Variants in CCDC178 observed in about 807,000 individuals in gnomAD.
CCDC178 encodes the protein coiled-coil domain containing 178, also known as coiled-coil domain-containing protein 178.
Under a neutral mutation model 117.4 loss-of-function variants are expected in CCDC178, and 126 were observed. That is an observed-to-expected ratio of 1.07 (90% CI 0.93 to 1.24). The LOEUF (loss-of-function observed/expected upper bound fraction) is 1.24, where lower values mean the gene tolerates loss of function less well. CCDC178 is among the 50% of genes most tolerant of loss of function. The pLI, the probability that CCDC178 is intolerant of heterozygous loss-of-function variation, is 0.00. For synonymous variants in CCDC178, 283 were observed against 313.4 expected (o/e 0.90, Z 1.02); for missense variants, 1,030 against 986.9 (o/e 1.04, Z -0.59).
In CCDC178 at chr18:33,334,356, A is replaced by AT. The variant is rs531976368; in HGVS notation, c.659-963dup. Among the ~76,000 whole-genome samples, 261 of 152,122 alleles carry AT rather than the reference A, an allele frequency of 1.7e-3. 1 individual carries two copies. The highest frequency in any genetic ancestry group is 5.9e-3 in the African/African-American group (244 of 41,544). ...TGAATTTGAATAAATGAATAAAATT[A>AT]TTTTTTCTGTATAAAAATATTTGAA... On this transcript the variant is annotated intron_variant, in intron 9 of 22. Coordinates refer to ENST00000383096, the MANE Select transcript of CCDC178 (RefSeq NM_001105528.4).
chr18:33,369,180 T>C (rs974897900), intron 6 of CCDC178, among the ~76,000 whole-genome samples: 1 of 151,982 alleles, frequency 6.6e-6, no homozygotes, highest in African/African-American at 2.4e-5. Flanking sequence ...ATAAATAATA[T>C]AGAAGTAACA....
chr18:33,088,357 C>G (rs1338278812), intron 21 of CCDC178, among the ~76,000 whole-genome samples: 16 of 151,552 alleles, frequency 1.1e-4, no homozygotes, highest in African/African-American at 3.4e-4. Flanking sequence ...TGTATTGACT[C>G]TATATATCAA....
At chr18:33,179,118 A>AC (rs1568037125) in intron 20 of CCDC178, among the ~76,000 whole-genome samples, 14 of 104,400 alleles carry the variant, frequency 1.3e-4, no homozygotes, top group Non-Finnish European at 3.0e-4. Context: ...TAAACTATAT[A>AC]TATATATATA....
intron 12 of CCDC178, among the ~76,000 whole-genome samples, chr18:33,273,705 C>T (rs1223898862): frequency 6.6e-6 from 1 of 151,582 alleles, no homozygotes; most frequent in African/African-American, 2.4e-5. Context: ...ATACCATACA[C>T]AAAAATTAAC....
intron 2 of CCDC178, among the ~76,000 whole-genome samples, chr18:33,424,926 C>T (rs946470614): frequency 6.6e-6 from 1 of 152,150 alleles, no homozygotes. Context: ...GGCATGGGCT[C>T]GAACCTGACC....
intron 6 of CCDC178, among the ~76,000 whole-genome samples, chr18:33,358,149 T>C (rs1215892535): frequency 6.6e-6 from 1 of 151,912 alleles, no homozygotes; most frequent in Admixed American, 6.6e-5. Flanking sequence ...ACAGTAAAAA[T>C]ACAATATTGT....
chr18:33,264,397 C>T (rs1488361161), intron 14 of CCDC178, among the ~76,000 whole-genome samples: 4 of 151,892 alleles, frequency 2.6e-5, no homozygotes, highest in African/African-American at 9.7e-5. Flanking sequence ...ATATAGTAGA[C>T]CTGACTCTTG....
chr18:33,294,523 C>T (rs916834599), intron 11 of CCDC178, among the ~76,000 whole-genome samples: 1 of 152,272 alleles, frequency 6.6e-6, no homozygotes, highest in East Asian at 1.9e-4. Flanking sequence ...GATTCTTATG[C>T]ACCAACCCTG....
chr18:33,244,456 T>C (rs944464299), intron 15 of CCDC178, among the ~76,000 whole-genome samples: 5 of 151,924 alleles, frequency 3.3e-5, no homozygotes, highest in Admixed American at 6.6e-5. Flanking sequence ...GTGGAGATAA[T>C]TGAATCATGA....
intron 14 of CCDC178, among the ~76,000 whole-genome samples, chr18:33,262,242 T>C (rs2059759635): frequency 6.6e-6 from 1 of 152,164 alleles, no homozygotes; most frequent in Non-Finnish European, 1.5e-5. Flanking sequence ...ACTTCTGCAT[T>C]TTACATCTAA....
chr18:33,286,597 A>G (rs112529780), intron 12 of CCDC178, among the ~76,000 whole-genome samples: 53 of 152,340 alleles, frequency 3.5e-4, no homozygotes, highest in African/African-American at 1.3e-3. Flanking sequence ...TTCATACTGT[A>G]TAATATATAG....
intron 21 of CCDC178, among the ~76,000 whole-genome samples, chr18:33,001,245 C>T (rs533929052): frequency 1.2e-4 from 19 of 152,214 alleles, no homozygotes; most frequent in African/African-American, 3.6e-4. Context: ...AGAGGCCAGG[C>T]GCAGTGGCTC....
chr18:33,065,744 T>C (rs1598845482), intron 21 of CCDC178, among the ~76,000 whole-genome samples: 1 of 152,116 alleles, frequency 6.6e-6, no homozygotes, highest in Non-Finnish European at 1.5e-5. Context: ...CAGCAAATTT[T>C]GTAGCAGATA....
chr18:33,164,287 C>T (rs1454103197), intron 20 of CCDC178, among the ~76,000 whole-genome samples: 2 of 151,612 alleles, frequency 1.3e-5, no homozygotes, highest in Admixed American at 6.6e-5. Context: ...TTAGTAGAGA[C>T]GGAGTTTCTC....
chr18:33,207,044 G>C (rs2144574696), intron 20 of CCDC178, among the ~76,000 whole-genome samples: 1 of 152,272 alleles, frequency 6.6e-6, no homozygotes, highest in Admixed American at 6.5e-5. Context: ...TCAGGCTGGA[G>C]TTTCATGTCT....
intron 9 of CCDC178, 136 bp from the exon 10 acceptor site, chr18:33,333,530 T>TC (rs1482721694): frequency 1.1e-5 from 5 of 440,772 alleles, no homozygotes; most frequent in Non-Finnish European, 1.8e-5. Context: ...TTTTTTTTTT[T>TC]CCGAGATGGA....
At chr18:33,306,431 T>C (rs1039720852) in intron 11 of CCDC178, among the ~76,000 whole-genome samples, 1 of 147,582 alleles carries the variant, frequency 6.8e-6, no homozygotes, top group African/African-American at 2.5e-5. Context: ...TGTGTGTGTG[T>C]GTGTGTGTGT....
intron 21 of CCDC178, among the ~76,000 whole-genome samples, chr18:33,034,067 C>T (rs902690223): frequency 1.3e-5 from 2 of 151,920 alleles, no homozygotes; most frequent in Non-Finnish European, 2.9e-5. Context: ...CTTACTAAAC[C>T]TGTCTTTTAG....
intron 21 of CCDC178, among the ~76,000 whole-genome samples, chr18:33,027,331 T>C (rs2056248708): frequency 6.6e-6 from 1 of 150,502 alleles, no homozygotes; most frequent in Non-Finnish European, 1.5e-5. Context: ...CACAAAAGAG[T>C]AGCTAAATAA....
Sources: gnomAD v4.1 joint callset for allele counts (sites outside exome capture counted in the v4.1 genomes callset) on GRCh38, gnomAD v4.1.1 for gene constraint, MANE v1.5 for transcripts, NCBI Gene and HGNC (gene_info 2026-07-23, HGNC 2026-07-21) for gene names.